FANCI: variants seen among roughly 807,000 people sequenced by gnomAD.
The protein encoded by FANCI is FA complementation group I.
In FANCI, 156 loss-of-function variants were observed where a neutral mutation model predicts 176.1. That is an observed-to-expected ratio of 0.89 (90% CI 0.78 to 1.01). The LOEUF (loss-of-function observed/expected upper bound fraction) is 1.01. FANCI is among the 50% of genes least tolerant of loss of function. FANCI has a pLI of 0.00. For synonymous variants in FANCI, 613 were observed against 541.7 expected (o/e 1.13, Z -1.83); for missense variants, 1,678 against 1,534.1 (o/e 1.09, Z -1.57).
chr15:89,258,809 C>G (rs756173314), intron 3 of FANCI, 33 bp downstream of exon 3: 7 of 1,458,368 alleles, frequency 4.8e-6, no homozygotes, highest in Non-Finnish European at 5.8e-6. Context: ...CTGTCTGTCT[C>G]CTGCATTCAT....
chr15:89,244,593 G>A (rs1392580611), intron 1 of FANCI, among the ~76,000 whole-genome samples: 3 of 152,190 alleles, frequency 2.0e-5, no homozygotes, highest in Non-Finnish European at 4.4e-5. Flanking sequence ...ATGTGCCTAG[G>A]TTGATTTAAA....
intron 19 of FANCI, among the ~76,000 whole-genome samples, chr15:89,290,846 T>G (rs111841653): frequency 0.022 from 3,281 of 152,284 alleles, 129 homozygotes; most frequent in African/African-American, 0.072. Flanking sequence ...AGTTATGAAA[T>G]TTCATTTAAA....
intron 2 of FANCI, among the ~76,000 whole-genome samples, chr15:89,253,790 G>C (rs945131068): frequency 6.4e-5 from 8 of 124,600 alleles, no homozygotes; most frequent in Non-Finnish European, 9.2e-5. Context: ...AACTTGTGGG[G>C]GGGGGGGGGA....
intron 1 of FANCI, among the ~76,000 whole-genome samples, chr15:89,246,683 C>T (rs934856775): frequency 3.3e-5 from 5 of 151,864 alleles, no homozygotes; most frequent in Admixed American, 2.0e-4. Flanking sequence ...TCCTCTGCTG[C>T]GAAACCTTGA....
In FANCI at chr15:89,276,747, A is replaced by G; in HGVS notation, c.1149A>G (p.Val383=). 1.9e-6 allele frequency: 3 copies of G among 1,614,176 alleles called. No individual in the cohort carries two copies. The highest frequency in any genetic ancestry group is 2.5e-6 in the Non-Finnish European group (3 of 1,180,030). Reference sequence around the variant, plus strand: ...GGGACCATGTTACTCAGGGCCTCGTAGAACTTGGTTTCATTTTGATGGATT... The same window carrying G: ...GGGACCATGTTACTCAGGGCCTCGTGGAACTTGGTTTCATTTTGATGGATT... ...HSWDHVTQGL[V]ELGFILMDSY... is the part of the protein sequence containing the mutation. The change falls in exon 13 of 38, where the codon GTA becomes GTG. Residue 383 remains valine, a synonymous_variant. Transcript: ENST00000310775.
At chr15:89,293,419 G>T (rs2054138033) in intron 22 of FANCI, among the ~76,000 whole-genome samples, 2 of 152,210 alleles carry the variant, frequency 1.3e-5, no homozygotes, top group African/African-American at 4.8e-5. Flanking sequence ...AGGTGCGGTG[G>T]CTCACGCCTG....
chr15:89,274,370 A>C, intron 12 of FANCI, 66 bp downstream of exon 12: 1 of 1,568,492 alleles, frequency 6.4e-7, no homozygotes, highest in African/African-American at 1.3e-5. Flanking sequence ...GCAATGTGAT[A>C]TCATACTTGC....
Position 89,293,817 on chromosome 15 carries a change from T to G in FANCI, c.2292-16T>G. 6.2e-7 allele frequency: 1 copy of G among 1,612,946 alleles called. No homozygotes were observed. On this transcript the variant is annotated splice_polypyrimidine_tract_variant and intron_variant, in intron 22 of 37. Transcript: ENST00000310775. ...CTGATGTTTGTCCTTAGCGGTCTCT[T>G]TTTTGTTTTTTACAGTAAGAATAGG...
At position 89,251,720 on chromosome 15, in the gene FANCI, A is replaced by G. The variant is rs79403654; in HGVS notation, c.84+3989A>G. On this transcript the variant is annotated intron_variant, in intron 2 of 37. Coordinates refer to ENST00000310775, the MANE Select transcript of FANCI (RefSeq NM_001113378.2). The stretch of plus-strand genomic sequence containing the variant: ...GTTCAGTATTTGAAAGTATATTACT[A>G]TAAAGATTATACGATTATCTTCATG... Among the ~76,000 whole-genome samples, 3 of 152,356 alleles carry G rather than the reference A, an allele frequency of 2.0e-5. No individual in the cohort carries two copies. In the East Asian group the frequency reaches 5.8e-4, roughly 29 times the overall value.
At chr15:89,259,595 A>T (rs754309251) in intron 3 of FANCI, among the ~76,000 whole-genome samples, 1 of 152,186 alleles carries the variant, frequency 6.6e-6, no homozygotes, top group African/African-American at 2.4e-5. Context: ...ATTGATTTTA[A>T]AACAATTTCC....
chr15:89,310,531 T>C (rs1278147672), intron 34 of FANCI, among the ~76,000 whole-genome samples: 2 of 152,248 alleles, frequency 1.3e-5, no homozygotes, highest in Non-Finnish European at 1.5e-5. Context: ...CCTCCATCCA[T>C]ATTTGACTTA....
At position 89,307,907 on chromosome 15, in the gene FANCI, T is replaced by TGGAGCAAGGAGCAA. The variant is rs1461966097; in HGVS notation, c.3651+245_3651+246insGCAAGGAGCAAGGA. ...GAAAGGAAGCATATATGTTTGCATT[T>TGGAGCAAGGAGCAA]GGAGCAAGGAAGGAACAAGCATGCT... On this transcript the variant is annotated intron_variant, in intron 34 of 37. Transcript: ENST00000310775. The TGGAGCAAGGAGCAA allele has an allele frequency of 2.9e-6, 4 of 1,399,718 alleles. No individual in the cohort carries two copies. In the African/African-American group the frequency reaches 4.4e-5, roughly 15 times the overall value. The allele number at this position is 1,399,718 out of a possible 1,614,324, so 86.7% of individuals were successfully genotyped here.
At chr15:89,260,639 A>T (rs2052674577) in intron 3 of FANCI, 74 bp from the exon 4 acceptor site, 3 of 1,579,042 alleles carry the variant, frequency 1.9e-6, no homozygotes, top group East Asian at 2.3e-5. Context: ...TTTAACTACA[A>T]ACCTGTTCGT....
intron 2 of FANCI, among the ~76,000 whole-genome samples, chr15:89,248,523 AT>A (rs34367790): frequency 5.9e-5 from 9 of 151,320 alleles, no homozygotes; most frequent in East Asian, 1.9e-4. Flanking sequence ...TTGCTCTTTG[AT>A]TTTTTTTTCT....
intron 28 of FANCI, among the ~76,000 whole-genome samples, chr15:89,304,868 C>T (rs1260804246): frequency 6.6e-6 from 1 of 152,102 alleles, no homozygotes; most frequent in African/African-American, 2.4e-5. Context: ...CCTCCGCCTC[C>T]TGGGTTCAAG....
intron 9 of FANCI, among the ~76,000 whole-genome samples, chr15:89,266,938 G>A (rs867410936): frequency 6.6e-6 from 1 of 152,004 alleles, no homozygotes; most frequent in Admixed American, 6.5e-5. Flanking sequence ...GTACTCTGGA[G>A]TAGTAGGGAG....
chr15:89,252,116 A>T (rs889964418), intron 2 of FANCI, among the ~76,000 whole-genome samples: 1 of 152,156 alleles, frequency 6.6e-6, no homozygotes, highest in Non-Finnish European at 1.5e-5. Flanking sequence ...CCTGGCCAAC[A>T]TGGTGAAACC....
intron 19 of FANCI, among the ~76,000 whole-genome samples, chr15:89,291,344 A>C (rs990376680): frequency 1.3e-5 from 2 of 152,156 alleles, no homozygotes; most frequent in Non-Finnish European, 2.9e-5. Context: ...TTTAACCTCC[A>C]AGTTAACTGA....
intron 30 of FANCI, 59 bp downstream of exon 30, chr15:89,305,468 T>C: frequency 6.2e-7 from 1 of 1,611,718 alleles, no homozygotes. Flanking sequence ...TTCTACTCCA[T>C]GTGAAGTGAC....
Sources: gnomAD v4.1 joint callset for allele counts (sites outside exome capture counted in the v4.1 genomes callset) on GRCh38, gnomAD v4.1.1 for gene constraint, MANE v1.5 for transcripts, NCBI Gene and HGNC (gene_info 2026-07-23, HGNC 2026-07-21) for gene names.